DDX25: variants seen among roughly 807,000 people sequenced by gnomAD.
The protein encoded by DDX25 is DEAD-box helicase 25.
DDX25 carries 70 observed loss-of-function variants against 64.6 expected under a neutral mutation model. That is an observed-to-expected ratio of 1.08 (90% CI 0.89 to 1.32). The LOEUF (loss-of-function observed/expected upper bound fraction) is 1.32. DDX25 is among the 40% of genes most tolerant of loss of function. The pLI is 0.00. For missense variants in DDX25, 587 were observed against 604.4 expected (o/e 0.97, Z 0.30); for synonymous variants, 211 against 213.3 (o/e 0.99, Z 0.09).
intron 8 of DDX25, among the ~76,000 whole-genome samples, chr11:125,916,263 T>A (rs1470713398): frequency 6.6e-6 from 1 of 152,208 alleles, no homozygotes; most frequent in African/African-American, 2.4e-5. Context: ...TACAGAGAAA[T>A]ACACCAATGA....
At chr11:125,913,800 C>G (rs531793900) in intron 8 of DDX25, among the ~76,000 whole-genome samples, 2 of 152,148 alleles carry the variant, frequency 1.3e-5, no homozygotes, top group African/African-American at 2.4e-5. Flanking sequence ...CTTCAGTTAT[C>G]TCTTTCCCCA....
At chr11:125,916,144 T>C (rs1370584142) in intron 8 of DDX25, among the ~76,000 whole-genome samples, 3 of 152,186 alleles carry the variant, frequency 2.0e-5, no homozygotes, top group Non-Finnish European at 2.9e-5. Context: ...GCACTAACAG[T>C]TTATTCCTCA....
Position 125,921,123 on chromosome 11 carries a change from G to A in DDX25, c.1202-68G>A, listed in dbSNP as rs1350161160. 7.0e-6 allele frequency: 10 copies of A among 1,425,630 alleles called. No individual in the cohort carries two copies. Among genetic ancestry groups the A allele is most frequent in the Non-Finnish European group, 8.4e-6 (9 of 1,067,284 alleles). 88.3% of individuals were successfully genotyped at this position (1,425,630 alleles called of 1,614,324 possible). A position where few individuals can be genotyped will look rare whatever the true frequency, so the allele number is the denominator to read the frequency against. Reference sequence around the variant, plus strand: ...ATAAATAGGAATTCCCTTGGCAGACGTGGTACTTGAATGGCCCGTGTACTG... The same window carrying A: ...ATAAATAGGAATTCCCTTGGCAGACATGGTACTTGAATGGCCCGTGTACTG... On this transcript the variant is annotated intron_variant, in intron 10 of 11. Transcript: ENST00000263576. The surrounding 1 kb of genome is among the most constrained non-coding windows in gnomAD (Gnocchi z 4.1).
At chr11:125,918,535 C>A in intron 9 of DDX25, 93 bp from the exon 10 acceptor site, 1 of 1,481,694 alleles carries the variant, frequency 6.7e-7, no homozygotes, top group Non-Finnish European at 9.1e-7. Context: ...CAGCCCTCTC[C>A]CACCCCCGCC....
rs992851814 is a variant in DDX25 at position 125,905,249 on chromosome 11, G to T, written c.101G>T (p.Gly34Val). 4.5e-6 allele frequency: 7 copies of T among 1,551,566 alleles called. No individual in the cohort carries two copies. The highest frequency in any genetic ancestry group is 6.1e-6 in the Non-Finnish European group (7 of 1,147,012). Reference protein sequence around the residue: ...NLSQPRKNLWGIKSTAVRNID... With the variant: ...NLSQPRKNLWVIKSTAVRNID... Reference sequence around the variant, plus strand: ...AGCCAACCCCGGAAGAACCTTTGGGGTATTAAGAGTACTGCAGTCCGAAAC... The same window carrying T: ...AGCCAACCCCGGAAGAACCTTTGGGTTATTAAGAGTACTGCAGTCCGAAAC... Residue 34 changes from glycine to valine, a missense_variant, in exon 2 of 12, where the codon GGT becomes GTT. By Grantham distance (109) the Gly-to-Val change is moderately radical. Transcript: ENST00000263576.
At chr11:125,915,682 G>A (rs147583287) in intron 8 of DDX25, among the ~76,000 whole-genome samples, 1 of 152,356 alleles carries the variant, frequency 6.6e-6, no homozygotes. Flanking sequence ...GCTCTAGCAT[G>A]TGGAATGCAG....
chr11:125,925,451 G>C lies in DDX25; in HGVS notation c.*2570G>C, dbSNP rs916195770. 4.4e-6 allele frequency: 2 copies of C among 456,170 alleles called. No individual in the cohort carries two copies. Among genetic ancestry groups the C allele is most frequent in the Non-Finnish European group, 8.8e-6 (2 of 226,926 alleles). 28.3% of individuals were successfully genotyped at this position (456,170 alleles called of 1,614,324 possible). On this transcript the variant is annotated 3_prime_UTR_variant, in exon 12 of 12. Coordinates refer to ENST00000263576, the MANE Select transcript of DDX25 (RefSeq NM_013264.5). ...GTCAACAATCCAAAGGCTGTTTTTT[G>C]CAGGGTGCAGCTCCTGTCAGAGCTG...
chr11:125,914,472 TCTA>T (rs1030071309), intron 8 of DDX25, among the ~76,000 whole-genome samples: 2 of 152,234 alleles, frequency 1.3e-5, no homozygotes, highest in Non-Finnish European at 2.9e-5. Context: ...GCCTCCACTT[TCTA>T]CTAAGGCTTG....
chr11:125,911,613 A>T, intron 8 of DDX25, 125 bp downstream of exon 8: 1 of 1,033,796 alleles, frequency 9.7e-7, no homozygotes, highest in Non-Finnish European at 1.4e-6. Flanking sequence ...AATAAATTTG[A>T]GTTTTTACAT....
chr11:125,911,184 G>A (rs897855986), intron 7 of DDX25, 127 bp from the exon 8 acceptor site: 1 of 881,230 alleles, frequency 1.1e-6, no homozygotes. Context: ...TGACCCTCGG[G>A]GTTTCCACTT....
intron 6 of DDX25, among the ~76,000 whole-genome samples, chr11:125,909,148 G>A (rs534814511): frequency 1.5e-4 from 23 of 152,206 alleles, no homozygotes; most frequent in African/African-American, 4.6e-4. Flanking sequence ...GTATCTGGTC[G>A]TCTCTCCCTA....
At chr11:125,913,444 C>T (rs1944992024) in intron 8 of DDX25, among the ~76,000 whole-genome samples, 1 of 152,154 alleles carries the variant, frequency 6.6e-6, no homozygotes, top group Admixed American at 6.5e-5. Context: ...TAAATTTGAT[C>T]TTTTGACTAA....
intron 3 of DDX25, 143 bp downstream of exon 3, chr11:125,905,740 C>T: frequency 1.2e-6 from 1 of 853,720 alleles, no homozygotes; most frequent in Non-Finnish European, 1.8e-6. Flanking sequence ...AGGAGACACA[C>T]TAAATTAGGA....
chr11:125,918,791 G>T lies in DDX25; in HGVS notation c.1201+1G>T, dbSNP rs868631848. 3.2e-6 allele frequency: 5 copies of T among 1,563,752 alleles called. No homozygotes were observed. The highest frequency in any genetic ancestry group is 4.3e-6 in the Non-Finnish European group (5 of 1,153,292). ...ATAACAACTAATGTTTGTGCCCGAG[G>T]TGTGTGTTAAAAGTCAGGTCTTGAG... On this transcript the variant is annotated splice_donor_variant, in intron 10 of 11. Transcript: ENST00000263576. LOFTEE classifies it high-confidence loss of function.
At chr11:125,920,264 C>T (rs1175084584) in intron 10 of DDX25, among the ~76,000 whole-genome samples, 1 of 152,072 alleles carries the variant, frequency 6.6e-6, no homozygotes, top group African/African-American at 2.4e-5. Context: ...TGGTGAAACC[C>T]CATCTCTACT....
chr11:125,914,430 C>A (rs1945009519), intron 8 of DDX25, among the ~76,000 whole-genome samples: 1 of 152,158 alleles, frequency 6.6e-6, no homozygotes, highest in African/African-American at 2.4e-5. Flanking sequence ...TGCATATTTT[C>A]ACTTGATCTC....
intron 8 of DDX25, among the ~76,000 whole-genome samples, chr11:125,914,002 C>A (rs1402936899): frequency 6.6e-6 from 1 of 152,102 alleles, no homozygotes; most frequent in Non-Finnish European, 1.5e-5. Context: ...TGGTGGTGGT[C>A]TCTGATTTTT....
In DDX25 at chr11:125,904,835, T is replaced by C. The variant is rs1160963644; in HGVS notation, c.63+255T>C. Reference sequence around the variant, plus strand: ...AAATCCAGGGTGGGAACGCAGCTGGTAGTCCCAGCTAGACCCCGAGTTTTC... The same window carrying C: ...AAATCCAGGGTGGGAACGCAGCTGGCAGTCCCAGCTAGACCCCGAGTTTTC... On this transcript the variant is annotated intron_variant, in intron 1 of 11. Transcript: ENST00000263576. The C allele has an allele frequency of 8.7e-6, 5 of 571,974 alleles. No individual in the cohort carries two copies. The East Asian group carries it at 1.5e-4, about 17-fold the overall frequency. The allele number at this position is 571,974 out of a possible 1,614,324, so 35.4% of individuals were successfully genotyped here. A position where few individuals can be genotyped will look rare whatever the true frequency, so the allele number is the denominator to read the frequency against.
chr11:125,909,863 G>T (rs1225099805), intron 6 of DDX25, among the ~76,000 whole-genome samples: 2 of 152,128 alleles, frequency 1.3e-5, no homozygotes, highest in Non-Finnish European at 2.9e-5. Flanking sequence ...TTTTGGCCAG[G>T]CTGGCCTCAA....
Sources: gnomAD v4.1 joint callset for allele counts (sites outside exome capture counted in the v4.1 genomes callset) on GRCh38, gnomAD v4.1.1 for gene constraint, Gnocchi (gnomAD v3.1) non-coding constraint, MANE v1.5 for transcripts, NCBI Gene and HGNC (gene_info 2026-07-23, HGNC 2026-07-21) for gene names.